Variants in DOT1L observed in about 807,000 individuals in gnomAD.
The protein encoded by DOT1L is DOT1 like histone lysine methyltransferase.
Under a neutral mutation model 153.3 loss-of-function variants are expected in DOT1L, and 33 were observed. The ratio of observed to expected loss-of-function variants is 0.22; its 90% confidence interval spans 0.16 to 0.29. DOT1L has a LOEUF of 0.29. Among genes scored for constraint, DOT1L ranks in the 10% least tolerant of loss-of-function variants. DOT1L has a pLI of 1.00. For synonymous variants in DOT1L, 1,135 were observed against 965.1 expected (o/e 1.18, Z -3.26); for missense variants, 1,847 against 2,119.9 (o/e 0.87, Z 2.53).
At chr19:2,167,521 C>G (rs1438392412) in intron 1 of DOT1L, among the ~76,000 whole-genome samples, 1 of 152,226 alleles carries the variant, frequency 6.6e-6, no homozygotes, top group African/African-American at 2.4e-5. Flanking sequence ...CCTGGCCAGG[C>G]CCTGGCTTGG....
chr19:2,220,177 A>T lies in DOT1L; in HGVS notation c.2761A>T (p.Asn921Tyr), dbSNP rs887153910. The T allele has an allele frequency of 6.2e-7, 1 of 1,613,558 alleles. No individual in the cohort carries two copies. Among genetic ancestry groups the T allele is most frequent in the Non-Finnish European group, 8.5e-7 (1 of 1,179,992 alleles). ...SSTLEKQIGANAHGAGSRSLA... is the reference protein window; with the variant it reads ...SSTLEKQIGAYAHGAGSRSLA... The stretch of plus-strand genomic sequence containing the variant: ...CACACTTGAAAAGCAGATTGGTGCT[A>T]ATGCCCACGGTGCTGGGAGCAGAAG... Residue 921 changes from asparagine (N) to tyrosine (Y), a missense_variant, in exon 23 of 28, where the codon AAT becomes TAT. This residue lies in a region of DOT1L where 68 missense variants were observed against 80.7 expected (regional missense o/e 0.84). Coordinates refer to ENST00000398665, the MANE Select transcript of DOT1L (RefSeq NM_032482.3). The surrounding 1 kb of genome is among the most constrained non-coding windows in gnomAD (Gnocchi z 4.5).
At chr19:2,165,293 G>A (rs945092674) in intron 1 of DOT1L, among the ~76,000 whole-genome samples, 1 of 138,766 alleles carries the variant, frequency 7.2e-6, no homozygotes, top group Non-Finnish European at 1.6e-5. Context: ...CGCGCGCGCT[G>A]GGCTTGTGTC....
At position 2,220,078 on chromosome 19, in the gene DOT1L, C is replaced by T; in HGVS notation, c.2692-30C>T. On this transcript the variant is annotated intron_variant, in intron 22 of 27. Coordinates refer to ENST00000398665, the MANE Select transcript of DOT1L (RefSeq NM_032482.3). The surrounding 1 kb of genome is among the most constrained non-coding windows in gnomAD (Gnocchi z 4.5). Reference sequence around the variant, plus strand: ...TCTGGGTCTCCTGGGGCACCTGCTGCCCCTGACACACAGGGTTTTCTCTCT... The same window carrying T: ...TCTGGGTCTCCTGGGGCACCTGCTGTCCCTGACACACAGGGTTTTCTCTCT... The T allele has an allele frequency of 1.9e-6, 3 of 1,572,712 alleles. No homozygotes were observed. Among genetic ancestry groups the T allele is most frequent in the Non-Finnish European group, 2.6e-6 (3 of 1,153,078 alleles).
chr19:2,173,313 C>T (rs1280120020), intron 1 of DOT1L, among the ~76,000 whole-genome samples: 2 of 152,104 alleles, frequency 1.3e-5, no homozygotes, highest in Admixed American at 1.3e-4. Context: ...CAGACGAGGG[C>T]GAGGAGAGTT....
intron 27 of DOT1L, chr19:2,228,359 A>G (rs1368707486): frequency 7.6e-7 from 1 of 1,313,590 alleles, no homozygotes; most frequent in East Asian, 4.7e-5. Context: ...GACCTTGCTT[A>G]GCTAGCAGTG....
chr19:2,211,107 A>G lies in DOT1L; in HGVS notation c.1360A>G (p.Arg454Gly), dbSNP rs767141973. ...TAASSPQDAYRSPHSPFYQLP... is the reference protein window; with the variant it reads ...TAASSPQDAYGSPHSPFYQLP... The stretch of plus-strand genomic sequence containing the variant: ...GCCCTCCGCTCTCCCAGATGCCTAC[A>G]GATCCCCTCACAGCCCGTTCTACCA... The change falls in exon 15 of 28, where the codon AGA (arginine) becomes GGA (glycine). Residue 454 changes from arginine to glycine, a missense_variant. Arg to Gly is a moderately radical substitution (Grantham distance 125). Around this residue, in one of 8 missense-constraint regions of DOT1L, gnomAD observed 205 missense variants for 203.1 expected, o/e 1.01. Coordinates refer to ENST00000398665, the MANE Select transcript of DOT1L (RefSeq NM_032482.3). 1.2e-6 allele frequency: 2 copies of G among 1,612,714 alleles called. No individual in the cohort carries two copies. Among genetic ancestry groups the G allele is most frequent in the Admixed American group, 1.7e-5 (1 of 59,978 alleles).
In DOT1L at chr19:2,217,746, A is replaced by G. The variant is rs774193908; in HGVS notation, c.2545-26A>G. The G allele has an allele frequency of 3.8e-6, 6 of 1,586,706 alleles. No homozygotes were observed. In the African/African-American group the frequency reaches 5.4e-5, roughly 14 times the overall value. ...TCCTGGAGGGGTTTGTTGACCCACG[A>G]CTGGGGGTCGGGCCTTCGTCTGCAG... is the stretch of plus-strand genomic sequence containing the variant. On this transcript the variant is annotated intron_variant, in intron 21 of 27. Coordinates refer to ENST00000398665, the MANE Select transcript of DOT1L (RefSeq NM_032482.3). This position sits in a 1 kb window ranked among gnomAD's most constrained non-coding sequence, Gnocchi z 7.3.
intron 3 of DOT1L, among the ~76,000 whole-genome samples, chr19:2,187,144 G>C (rs139267572): frequency 1.3e-5 from 2 of 152,190 alleles, no homozygotes; most frequent in African/African-American, 4.8e-5. Context: ...CCCACAAGTC[G>C]CTTCCTTACA....
At chr19:2,227,994 C>A (rs767049274) in intron 27 of DOT1L, 160 of 1,287,364 alleles carry the variant, frequency 1.2e-4, no homozygotes, top group Non-Finnish European at 1.6e-4. Context: ...CCACGCCCCC[C>A]CTCCACCTAA....
chr19:2,223,544 C>A (rs1268588443), intron 25 of DOT1L, 58 bp downstream of exon 25: 20 of 551,920 alleles, frequency 3.6e-5, no homozygotes, highest in Non-Finnish European at 5.2e-5. Flanking sequence ...GAGGTGCCTG[C>A]TCACTGTGTG....
chr19:2,193,952 C>T lies in DOT1L; in HGVS notation c.588+169C>T, dbSNP rs764036801. On this transcript the variant is annotated intron_variant, in intron 6 of 27. Coordinates refer to ENST00000398665, the MANE Select transcript of DOT1L (RefSeq NM_032482.3). The surrounding 1 kb of genome is among the most constrained non-coding windows in gnomAD (Gnocchi z 5.9). The stretch of plus-strand genomic sequence containing the variant: ...AGCGTGTGCCTGTGAATAGGGTGCC[C>T]GATCGCCCTCACGGCCCATTACAGG... 7.2e-5 allele frequency among the ~76,000 whole-genome samples: 11 copies of T among 152,176 alleles called. No individual in the cohort carries two copies. The highest frequency in any genetic ancestry group is 3.9e-4 in the East Asian group (2 of 5,172).
At chr19:2,199,359 G>A (rs575186789) in intron 7 of DOT1L, among the ~76,000 whole-genome samples, 2 of 152,354 alleles carry the variant, frequency 1.3e-5, no homozygotes, top group South Asian at 2.1e-4. Flanking sequence ...TGGTGAGGGA[G>A]GGACAGAGCT....
At chr19:2,218,600 A>T (rs767846130) in intron 22 of DOT1L, among the ~76,000 whole-genome samples, 14 of 151,464 alleles carry the variant, frequency 9.2e-5, no homozygotes, top group Non-Finnish European at 1.6e-4. Context: ...TCACCGTGTT[A>T]GCCAGGATGG....
rs770501624 is a variant in DOT1L, at chr19:2,227,925, C to T, written c.4606+798C>T. 3.3e-6 allele frequency: 4 copies of T among 1,205,412 alleles called. No homozygotes were observed. In the African/African-American group the frequency reaches 5.0e-5, roughly 15 times the overall value. 74.7% of individuals were successfully genotyped at this position (1,205,412 alleles called of 1,614,324 possible). A position where few individuals can be genotyped will look rare whatever the true frequency, so the allele number is the denominator to read the frequency against. On this transcript the variant is annotated intron_variant, in intron 27 of 27. Coordinates refer to ENST00000398665, the MANE Select transcript of DOT1L (RefSeq NM_032482.3). ...GCCGCCCCCTCCGCCTCCGCCTCCG[C>T]CTCCCCCGCTGCCCCCGCCTGCGCA...
chr19:2,230,023 AT>A lies in DOT1L; in HGVS notation c.*233del, dbSNP rs1403783652. 6.8e-5 allele frequency: 46 copies of A among 678,444 alleles called. No homozygotes were observed. The highest frequency in any genetic ancestry group is 5.3e-5 in the Non-Finnish European group (22 of 413,024). The allele number at this position is 678,444 out of a possible 1,614,324, so 42.0% of individuals were successfully genotyped here. On this transcript the variant is annotated 3_prime_UTR_variant, in exon 28 of 28. Transcript: ENST00000398665. ...TATCATTTTTTAAAAAGTATAAACA[AT>A]TCTGACTTATTTTATTCCATCTAAG...
chr19:2,206,851 C>T (rs2023516647), intron 10 of DOT1L, 54 bp downstream of exon 10: 4 of 1,541,396 alleles, frequency 2.6e-6, no homozygotes, highest in Non-Finnish European at 2.7e-6. Context: ...AACCATCTGA[C>T]ACGCAGTATT....
chr19:2,216,723 A>G lies in DOT1L; in HGVS notation c.2366A>G (p.His789Arg), dbSNP rs370449545. The G allele has an allele frequency of 4.4e-6, 7 of 1,599,640 alleles. No individual in the cohort carries two copies. The highest frequency in any genetic ancestry group is 1.3e-5 in the African/African-American group (1 of 74,888). ...CTGAGGCGGCACCTGAGCCAGGACC[A>G]CACGGTGCCCGGCAGGCCGGCTGCC... The part of the protein sequence containing the change: ...IVLRRHLSQD[H>R]TVPGRPAASE... Residue 789 changes from histidine to arginine, a missense_variant, in exon 20 of 28, where the codon CAC (histidine) becomes CGC (arginine). His to Arg is a conservative substitution (Grantham distance 29). Coordinates refer to ENST00000398665, the MANE Select transcript of DOT1L (RefSeq NM_032482.3).
chr19:2,169,389 T>C (rs1229818118), intron 1 of DOT1L, among the ~76,000 whole-genome samples: 1 of 152,142 alleles, frequency 6.6e-6, no homozygotes, highest in Non-Finnish European at 1.5e-5. Flanking sequence ...TTATAGCAAA[T>C]GCACACTGCT....
At chr19:2,173,897 C>A (rs1048325558) in intron 1 of DOT1L, among the ~76,000 whole-genome samples, 1 of 152,216 alleles carries the variant, frequency 6.6e-6, no homozygotes, top group South Asian at 2.1e-4. Context: ...TCCTGAGCCC[C>A]TCCAGTGTCG....
Sources: allele counts gnomAD v4.1 joint callset (sites outside exome capture counted in the v4.1 genomes callset), GRCh38; gene constraint gnomAD v4.1.1; regional missense constraint gnomAD v4.1.1; non-coding constraint Gnocchi (gnomAD v3.1); transcripts MANE v1.5; gene names NCBI Gene and HGNC (gene_info 2026-07-23, HGNC 2026-07-21).